Variants in GNS observed in about 807,000 individuals in gnomAD.
GNS encodes the protein glucosamine (N-acetyl)-6-sulfatase, also known as N-acetylglucosamine-6-sulfatase.
A neutral mutation model predicts 69.7 loss-of-function variants in GNS; 40 were observed. That is an observed-to-expected ratio of 0.57 (90% confidence interval 0.45 to 0.75). GNS has a LOEUF of 0.75. Among genes scored for constraint, GNS ranks in the 30% least tolerant of loss-of-function variants. The pLI is 0.00. For missense variants in GNS, 565 were observed against 685.5 expected (o/e 0.82, Z 1.96); for synonymous variants, 243 against 251.6 (o/e 0.97, Z 0.32).
rs1243292122 is a variant in GNS at position 64,743,136 on chromosome 12, G to A, written c.792+5C>T. The A allele has an allele frequency of 3.1e-6, 5 of 1,605,164 alleles. No homozygotes were observed. In the South Asian group the frequency reaches 5.5e-5, roughly 18 times the overall value. On this transcript the variant is annotated splice_donor_5th_base_variant and intron_variant, in intron 6 of 13. Transcript: ENST00000258145. ...TGGCTGAATACAAGTGGTGGGGGAA[G>A]CTACCGTTCCATGGATGTTGAAGTT... is the stretch of plus-strand genomic sequence containing the variant.
intron 2 of GNS, among the ~76,000 whole-genome samples, chr12:64,749,391 T>TAC (rs1269050882): frequency 6.6e-6 from 1 of 151,070 alleles, no homozygotes; most frequent in Non-Finnish European, 1.5e-5. Flanking sequence ...TAGCTGGGAC[T>TAC]ACAGGTGCCC....
rs775194425 is a variant in GNS at position 64,716,713 on chromosome 12, A to T, written c.*28T>A. 1 of 1,374,468 alleles carries T rather than the reference A, an allele frequency of 7.3e-7. No individual in the cohort carries two copies. Among genetic ancestry groups the T allele is most frequent in the Non-Finnish European group, 1.0e-6 (1 of 961,478 alleles). 85.1% of individuals were successfully genotyped at this position (1,374,468 alleles called of 1,614,324 possible). A position where few individuals can be genotyped will look rare whatever the true frequency, so the allele number is the denominator to read the frequency against. ...CTTCATCAGAAAGAGGCGTGCAGGG[A>T]TCCATCTGCAGAGGCTGTGTGAGGT... On this transcript the variant is annotated 3_prime_UTR_variant, in exon 14 of 14. Coordinates refer to ENST00000258145, the MANE Select transcript of GNS (RefSeq NM_002076.4).
chr12:64,748,634 A>C (rs530546904), intron 2 of GNS, among the ~76,000 whole-genome samples: 1 of 152,278 alleles, frequency 6.6e-6, no homozygotes, highest in Admixed American at 6.5e-5. Context: ...GCAGCTTTAC[A>C]CATTTCCTAT....
chr12:64,716,367 G>T lies in GNS; in HGVS notation c.*374C>A. 1 of 322,266 alleles carries T rather than the reference G, an allele frequency of 3.1e-6. No homozygotes were observed. The highest frequency in any genetic ancestry group is 6.1e-6 in the Non-Finnish European group (1 of 163,726). 20.0% of individuals were successfully genotyped at this position (322,266 alleles called of 1,614,324 possible). A position where few individuals can be genotyped will look rare whatever the true frequency, so the allele number is the denominator to read the frequency against. On this transcript the variant is annotated 3_prime_UTR_variant, in exon 14 of 14. Coordinates refer to ENST00000258145, the MANE Select transcript of GNS (RefSeq NM_002076.4). ...CTTACATATCAAAAGGTGTGTCTGT[G>T]TGTTTGTGTGTGTCCTAAAGTACTG...
chr12:64,757,255 C>T (rs1870279903), intron 1 of GNS, among the ~76,000 whole-genome samples: 1 of 152,136 alleles, frequency 6.6e-6, no homozygotes, highest in South Asian at 2.1e-4. Flanking sequence ...CAGACTACAG[C>T]TGTGGTTTAT....
Position 64,714,599 on chromosome 12 carries a change from A to G in GNS, c.*2142T>C, listed in dbSNP as rs150772287. The G allele has an allele frequency of 7.2e-5, 11 of 152,246 alleles. No individual in the cohort carries two copies. The highest frequency in any genetic ancestry group is 2.4e-4 in the African/African-American group (10 of 41,462). 9.4% of individuals were successfully genotyped at this position (152,246 alleles called of 1,614,324 possible). A position where few individuals can be genotyped will look rare whatever the true frequency, so the allele number is the denominator to read the frequency against. ...GGGCTGCACCACATCCTACCACGCA[A>G]GCACACCCACTGAACTGAGTAAGAG... On this transcript the variant is annotated 3_prime_UTR_variant, in exon 14 of 14. Coordinates refer to ENST00000258145, the MANE Select transcript of GNS (RefSeq NM_002076.4).
chr12:64,730,582 A>C (rs1166900312), intron 9 of GNS, among the ~76,000 whole-genome samples: 1 of 152,166 alleles, frequency 6.6e-6, no homozygotes, highest in Admixed American at 6.6e-5. Context: ...ATTACTGCCC[A>C]AAGGCAGGCA....
intron 1 of GNS, among the ~76,000 whole-genome samples, chr12:64,757,032 A>G (rs924826882): frequency 2.0e-5 from 3 of 152,180 alleles, no homozygotes; most frequent in Admixed American, 6.5e-5. Context: ...TTTAAAAATT[A>G]GCTGGACGTA....
chr12:64,726,864 A>T (rs1031748518), intron 10 of GNS, among the ~76,000 whole-genome samples: 4 of 152,088 alleles, frequency 2.6e-5, no homozygotes, highest in Admixed American at 1.3e-4. Context: ...ATGCAGAGGC[A>T]TTTCTCAAGG....
chr12:64,748,662 A>G (rs1461858092), intron 2 of GNS, among the ~76,000 whole-genome samples: 1 of 152,132 alleles, frequency 6.6e-6, no homozygotes, highest in Non-Finnish European at 1.5e-5. Context: ...TATACACTGG[A>G]CACAGACTTT....
intron 2 of GNS, among the ~76,000 whole-genome samples, chr12:64,748,936 T>TTTTATTTTTA (rs1869981699): frequency 6.6e-6 from 1 of 152,160 alleles, no homozygotes; most frequent in South Asian, 2.1e-4. Flanking sequence ...GATTTGGCAT[T>TTTTATTTTTA]TTTATTTTTA....
At chr12:64,729,365 A>C (rs1869313330) in intron 9 of GNS, 1 of 320,646 alleles carries the variant, frequency 3.1e-6, no homozygotes, top group Non-Finnish European at 5.9e-6. Flanking sequence ...GTTTGTTGCG[A>C]ATCATGAGAA....
intron 10 of GNS, among the ~76,000 whole-genome samples, chr12:64,725,372 G>A (rs1002181889): frequency 6.6e-6 from 1 of 152,120 alleles, no homozygotes; most frequent in African/African-American, 2.4e-5. Flanking sequence ...CGCTAGATTT[G>A]GCCCACAGGT....
At chr12:64,756,797 ATTAAGT>A (rs914701605) in intron 1 of GNS, 3 of 1,190,218 alleles carry the variant, frequency 2.5e-6, no homozygotes, top group Non-Finnish European at 2.4e-6. Context: ...AGTTTGGAAC[ATTAAGT>A]TTGACTTATG....
intron 2 of GNS, among the ~76,000 whole-genome samples, chr12:64,751,864 T>C: frequency 6.7e-6 from 1 of 149,160 alleles, no homozygotes; most frequent in Non-Finnish European, 1.5e-5. Flanking sequence ...GGTGGGTGCC[T>C]GTAATCTCAG....
intron 13 of GNS, among the ~76,000 whole-genome samples, 168 bp downstream of exon 13, chr12:64,719,854 C>A (rs1200465544): frequency 6.6e-6 from 1 of 152,146 alleles, no homozygotes; most frequent in Non-Finnish European, 1.5e-5. Context: ...ACAAAAGTTT[C>A]AAAAGCTTGA....
chr12:64,757,612 G>C (rs1258618934), intron 1 of GNS, among the ~76,000 whole-genome samples: 3 of 152,044 alleles, frequency 2.0e-5, no homozygotes, highest in Admixed American at 2.0e-4. Flanking sequence ...TAAAACATCA[G>C]CTATAAAAGA....
intron 11 of GNS, among the ~76,000 whole-genome samples, chr12:64,722,443 G>A (rs1179503121): frequency 6.6e-6 from 1 of 152,178 alleles, no homozygotes; most frequent in Non-Finnish European, 1.5e-5. Flanking sequence ...CACCAGGTAC[G>A]ACTTAAATCT....
intron 9 of GNS, 98 bp downstream of exon 9, chr12:64,736,906 G>T: frequency 1.3e-6 from 1 of 760,050 alleles, no homozygotes. Flanking sequence ...CAGCCCTAGT[G>T]GGAAGAGGAA....
Sources: gnomAD v4.1 joint callset for allele counts (sites outside exome capture counted in the v4.1 genomes callset) on GRCh38, gnomAD v4.1.1 for gene constraint, MANE v1.5 for transcripts, NCBI Gene and HGNC (gene_info 2026-07-23, HGNC 2026-07-21) for gene names.